The following OVOL1 variants were observed in gnomAD, a reference collection of about 807,000 sequenced individuals.
OVOL1 encodes putative transcription factor Ovo-like 1.
In OVOL1, 10 loss-of-function variants were observed where a neutral mutation model predicts 21.5. The observed-to-expected ratio is 0.46, with a 90% CI of 0.29 to 0.79. The LOEUF (loss-of-function observed/expected upper bound fraction) is 0.79, where lower values mean the gene tolerates loss of function less well. Ranked by LOEUF, OVOL1 falls within the 30% of genes least tolerant of loss-of-function variation. The pLI is 0.10. For missense variants in OVOL1, 279 were observed against 362.3 expected (o/e 0.77, Z 1.87); for synonymous variants, 129 against 150.3 (o/e 0.86, Z 1.03).
intron 2 of OVOL1, 113 bp from the exon 3 acceptor site, chr11:65,794,425 G>A: frequency 8.6e-7 from 1 of 1,169,082 alleles, no homozygotes. Flanking sequence ...TCTCTGGGAG[G>A]TGGGCACCAC....
Position 65,787,308 on chromosome 11 carries a change from C to A in OVOL1, c.-66C>A. ...GTTCCCGGCGTTCAGCCCGGCCCCG[C>A]AAAGGTGGGACGGCTCCCGGCTTCA... is the stretch of plus-strand genomic sequence containing the variant. On this transcript the variant is annotated 5_prime_UTR_variant, in exon 1 of 4. Coordinates refer to ENST00000335987, the MANE Select transcript of OVOL1 (RefSeq NM_004561.4). The A allele has an allele frequency of 7.3e-7, 1 of 1,370,536 alleles. No individual in the cohort carries two copies. Among genetic ancestry groups the A allele is most frequent in the Non-Finnish European group, 1.0e-6 (1 of 992,046 alleles). The allele number at this position is 1,370,536 out of a possible 1,614,324, so 84.9% of individuals were successfully genotyped here.
At position 65,797,105 on chromosome 11, in the gene OVOL1, T is replaced by G. The variant is rs1410885968; in HGVS notation, c.*1764T>G. 2 of 152,218 alleles carry G rather than the reference T, an allele frequency of 1.3e-5. No homozygotes were observed. The highest frequency in any genetic ancestry group is 2.9e-5 in the Non-Finnish European group (2 of 68,034). 9.4% of individuals were successfully genotyped at this position (152,218 alleles called of 1,614,324 possible). On this transcript the variant is annotated 3_prime_UTR_variant, in exon 4 of 4. Coordinates refer to ENST00000335987, the MANE Select transcript of OVOL1 (RefSeq NM_004561.4). ...TGTTATCTGGAAGCTCTGTTTTTGT[T>G]TACATTTCTGTATCCCTGGGTTGAC... is the stretch of plus-strand genomic sequence containing the variant.
chr11:65,789,276 G>A (rs557689387), intron 1 of OVOL1: 80 of 186,230 alleles, frequency 4.3e-4, no homozygotes, highest in Non-Finnish European at 7.3e-4. Context: ...TTCCTGTCAG[G>A]TGCAGGAGAG....
chr11:65,793,884 G>A, intron 1 of OVOL1, 147 bp from the exon 2 acceptor site: 1 of 636,296 alleles, frequency 1.6e-6, no homozygotes, highest in African/African-American at 1.8e-5. Flanking sequence ...AGCAGTGGTG[G>A]TCGGGGCAGC....
chr11:65,790,110 G>A (rs1177490023), intron 1 of OVOL1: 1 of 150,148 alleles, frequency 6.7e-6, no homozygotes, highest in African/African-American at 2.5e-5. Context: ...GTGACAGGGA[G>A]TAATGCTGGT....
At position 65,787,237 on chromosome 11, in the gene OVOL1, C is replaced by A; in HGVS notation, c.-137C>A. 1 of 654,720 alleles carries A rather than the reference C, an allele frequency of 1.5e-6. No individual in the cohort carries two copies. The highest frequency in any genetic ancestry group is 1.7e-5 in the South Asian group (1 of 59,680). The allele number at this position is 654,720 out of a possible 1,614,324, so 40.6% of individuals were successfully genotyped here. ...CGCGCCGTCCGGGCTCGGACCTTCC[C>A]CGGAACGTGGGGGCGCCTTAGCGAC... On this transcript the variant is annotated 5_prime_UTR_variant, in exon 1 of 4. Transcript: ENST00000335987.
Position 65,795,621 on chromosome 11 carries a change from A to T in OVOL1, c.*280A>T. 1.9e-6 allele frequency: 1 copy of T among 523,084 alleles called. No homozygotes were observed. The highest frequency in any genetic ancestry group is 3.5e-6 in the Non-Finnish European group (1 of 289,394). 32.4% of individuals were successfully genotyped at this position (523,084 alleles called of 1,614,324 possible). On this transcript the variant is annotated 3_prime_UTR_variant, in exon 4 of 4. Transcript: ENST00000335987. This position sits in a 1 kb window ranked among gnomAD's most constrained non-coding sequence, Gnocchi z 5.7. The stretch of plus-strand genomic sequence containing the variant: ...AGGGATGAGGCCAAGGCTGCCTTCA[A>T]TTAGAAGCAGCCGCCCACAGAGACA...
chr11:65,789,740 C>G, intron 1 of OVOL1: 3 of 978,858 alleles, frequency 3.1e-6, no homozygotes, highest in Non-Finnish European at 3.6e-6. Flanking sequence ...AGTGGAGGGC[C>G]CAGGAATGTG....
rs1269382142 is a variant in OVOL1 at position 65,795,885 on chromosome 11, G to A, written c.*544G>A. The A allele has an allele frequency of 1.1e-5, 2 of 177,052 alleles. 1 individual carries two copies. Among genetic ancestry groups the A allele is most frequent in the Middle Eastern group, 5.3e-3 (2 of 374 alleles). The allele number at this position is 177,052 out of a possible 1,614,324, so 11.0% of individuals were successfully genotyped here. ...GGGCTCTGTCCTTCCGGCAAGGAGA[G>A]GCACACATGTGTGCCCAGCCGTGTG... On this transcript the variant is annotated 3_prime_UTR_variant, in exon 4 of 4. Coordinates refer to ENST00000335987, the MANE Select transcript of OVOL1 (RefSeq NM_004561.4). This position sits in a 1 kb window ranked among gnomAD's most constrained non-coding sequence, Gnocchi z 5.7.
At chr11:65,792,791 T>A (rs2135703003) in intron 1 of OVOL1, among the ~76,000 whole-genome samples, 1 of 152,364 alleles carries the variant, frequency 6.6e-6, no homozygotes, top group African/African-American at 2.4e-5. Flanking sequence ...TCCCGAAACT[T>A]CAGCACTGTC....
At position 65,796,051 on chromosome 11, in the gene OVOL1, T is replaced by C. The variant is rs557779130; in HGVS notation, c.*710T>C. Reference sequence around the variant, plus strand: ...CCTTTTATTTTTTAAAGATGACAAATGTACAGATGTTAATATATTTTTGGT... The same window carrying C: ...CCTTTTATTTTTTAAAGATGACAAACGTACAGATGTTAATATATTTTTGGT... On this transcript the variant is annotated 3_prime_UTR_variant, in exon 4 of 4. Transcript: ENST00000335987. 1 of 152,734 alleles carries C rather than the reference T, an allele frequency of 6.5e-6. No homozygotes were observed. The highest frequency in any genetic ancestry group is 2.4e-5 in the African/African-American group (1 of 41,412). 9.5% of individuals were successfully genotyped at this position (152,734 alleles called of 1,614,324 possible).
At chr11:65,788,957 C>G (rs1195562222) in intron 1 of OVOL1, 5 of 986,106 alleles carry the variant, frequency 5.1e-6, no homozygotes, top group African/African-American at 1.7e-5. Flanking sequence ...CCAGAGCCCC[C>G]TCCCCGCTCC....
chr11:65,790,456 A>G (rs1177773527), intron 1 of OVOL1: 1 of 152,214 alleles, frequency 6.6e-6, no homozygotes, highest in Non-Finnish European at 1.5e-5. Context: ...AGCTTCCTTC[A>G]AGGAATGTGG....
chr11:65,794,384 C>T (rs1384296232), intron 2 of OVOL1, 136 bp downstream of exon 2: 6 of 1,082,692 alleles, frequency 5.5e-6, no homozygotes, highest in South Asian at 1.4e-5. Context: ...AGAGGAGTGC[C>T]GATCTCCGGG....
In OVOL1 at chr11:65,794,014, G is replaced by T. The variant is rs766374777; in HGVS notation, c.101-17G>T. ...CTCTTCTCCACCAAGCCTCTCACCT[G>T]TCTGTTCTCTCCCCAGTCAGCCTGG... is the stretch of plus-strand genomic sequence containing the variant. On this transcript the variant is annotated splice_polypyrimidine_tract_variant and intron_variant, in intron 1 of 3. Coordinates refer to ENST00000335987, the MANE Select transcript of OVOL1 (RefSeq NM_004561.4). The T allele has an allele frequency of 6.2e-7, 1 of 1,608,030 alleles. No individual in the cohort carries two copies. Among genetic ancestry groups the T allele is most frequent in the South Asian group, 1.1e-5 (1 of 90,942 alleles).
At chr11:65,792,120 G>A (rs538927742) in intron 1 of OVOL1, among the ~76,000 whole-genome samples, 6 of 152,328 alleles carry the variant, frequency 3.9e-5, no homozygotes, top group Admixed American at 1.3e-4. Context: ...CCCTGGCCCC[G>A]GTCTCCCAGC....
chr11:65,793,464 G>A lies in OVOL1; in HGVS notation c.101-567G>A, dbSNP rs529426856. Among the ~76,000 whole-genome samples the A allele has an allele frequency of 3.3e-5, 5 of 152,350 alleles. No individual in the cohort carries two copies. The South Asian group carries it at 1.0e-3, about 32-fold the overall frequency. ...ACCTGGCCTGTTTCCCTGCAGAGCT[G>A]GGACCAGCTGGGAGTGGAGAGCCTG... is the stretch of plus-strand genomic sequence containing the variant. On this transcript the variant is annotated intron_variant, in intron 1 of 3. Coordinates refer to ENST00000335987, the MANE Select transcript of OVOL1 (RefSeq NM_004561.4).
intron 1 of OVOL1, chr11:65,789,047 G>T (rs1226159783): frequency 1.0e-6 from 1 of 985,532 alleles, no homozygotes; most frequent in Non-Finnish European, 1.2e-6. Context: ...AACTTGGACC[G>T]TGGTAAAGGT....
rs761858782 is a variant in OVOL1 at position 65,795,136 on chromosome 11, A to G, written c.599A>G (p.Gln200Arg). ...ESHLKKIHGV[Q>R]QKYAYKERRA... ...CACCTCAAGAAGATCCATGGTGTGCAGCAGAAGTACGCGTACAAGGAGCGG... is the reference window on the plus strand; with the variant it reads ...CACCTCAAGAAGATCCATGGTGTGCGGCAGAAGTACGCGTACAAGGAGCGG... Residue 200 changes from glutamine (Q) to arginine (R), a missense_variant, in exon 4 of 4, where the codon CAG becomes CGG. By Grantham distance (43) the Gln-to-Arg change is conservative (BLOSUM62 1). Coordinates refer to ENST00000335987, the MANE Select transcript of OVOL1 (RefSeq NM_004561.4). This position sits in a 1 kb window ranked among gnomAD's most constrained non-coding sequence, Gnocchi z 5.7. 5 of 1,613,774 alleles carry G rather than the reference A, an allele frequency of 3.1e-6. No homozygotes were observed. The highest frequency in any genetic ancestry group is 2.7e-5 in the African/African-American group (2 of 74,924).
Sources: gnomAD v4.1 joint callset for allele counts (sites outside exome capture counted in the v4.1 genomes callset) on GRCh38, gnomAD v4.1.1 for gene constraint, Gnocchi (gnomAD v3.1) non-coding constraint, MANE v1.5 for transcripts, NCBI Gene and HGNC (gene_info 2026-07-23, HGNC 2026-07-21) for gene names.